ANKFN1: variants seen among roughly 807,000 people sequenced by gnomAD.
ANKFN1 encodes the protein ankyrin repeat and fibronectin type-III domain-containing protein 1.
In ANKFN1, 74 loss-of-function variants were observed where a neutral mutation model predicts 108.7. The ratio of observed to expected loss-of-function variants is 0.68; its 90% CI spans 0.56 to 0.83. ANKFN1 has a LOEUF of 0.83. Ranked by LOEUF, ANKFN1 falls within the 40% of genes least tolerant of loss-of-function variation. The pLI, the probability that ANKFN1 is intolerant of heterozygous loss-of-function variation, is 0.00. For missense variants in ANKFN1, 1,505 were observed against 1,382.3 expected (o/e 1.09, Z -1.41); for synonymous variants, 547 against 516.2 (o/e 1.06, Z -0.81).
intron 18 of ANKFN1, among the ~76,000 whole-genome samples, chr17:56,489,482 G>A (rs572005041): frequency 1.3e-5 from 2 of 151,292 alleles, no homozygotes; most frequent in South Asian, 4.2e-4. Flanking sequence ...ACAAGAGCGG[G>A]GAAACTGAAG....
chr17:56,154,478 C>G (rs780762088), intron 1 of ANKFN1, among the ~76,000 whole-genome samples: 7 of 151,964 alleles, frequency 4.6e-5, no homozygotes, highest in Non-Finnish European at 8.8e-5. Context: ...CTTTCCTTTT[C>G]TCTCTTTTCC....
chr17:56,292,265 A>T (rs1376797756), intron 3 of ANKFN1, among the ~76,000 whole-genome samples: 1 of 152,160 alleles, frequency 6.6e-6, no homozygotes, highest in Non-Finnish European at 1.5e-5. Context: ...GAGGTTAAGG[A>T]TCTAACAATT....
At chr17:56,084,652 C>T (rs1905286262) in intron 4 of ANKFN1, among the ~76,000 whole-genome samples, 1 of 151,376 alleles carries the variant, frequency 6.6e-6, no homozygotes, top group Non-Finnish European at 1.5e-5. Context: ...GGTGGGAAAA[C>T]AGAATGTGTT....
At chr17:56,251,015 C>A (rs565714077) in intron 3 of ANKFN1, among the ~76,000 whole-genome samples, 9 of 152,070 alleles carry the variant, frequency 5.9e-5, no homozygotes, top group South Asian at 4.2e-4. Flanking sequence ...GTCAGTATTT[C>A]TTTAACTGGT....
chr17:56,202,769 A>G (rs764493750), intron 1 of ANKFN1, among the ~76,000 whole-genome samples: 1 of 152,234 alleles, frequency 6.6e-6, no homozygotes, highest in African/African-American at 2.4e-5. Context: ...TGAAGTGTCC[A>G]TATATTAGAA....
chr17:56,208,650 A>G (rs1401379303), intron 1 of ANKFN1, among the ~76,000 whole-genome samples: 1 of 152,136 alleles, frequency 6.6e-6, no homozygotes, highest in East Asian at 1.9e-4. Flanking sequence ...CACTAGTGAA[A>G]TAATCCCTGA....
chr17:56,100,349 T>C (rs1017671696), intron 4 of ANKFN1, among the ~76,000 whole-genome samples: 3 of 152,276 alleles, frequency 2.0e-5, no homozygotes, highest in African/African-American at 7.2e-5. Context: ...CTGATGATTG[T>C]TGTAGGTGAT....
chr17:56,482,301 T>C, intron 17 of ANKFN1, 55 bp from the exon 18 acceptor site: 1 of 1,456,940 alleles, frequency 6.9e-7, no homozygotes, highest in East Asian at 2.4e-5. Flanking sequence ...GTGTTGTTTA[T>C]GTAAGTGCCA....
intron 4 of ANKFN1, among the ~76,000 whole-genome samples, chr17:56,050,153 C>A (rs947191785): frequency 3.3e-4 from 50 of 151,470 alleles, no homozygotes; most frequent in Non-Finnish European, 3.1e-4. Context: ...TGATGATGAG[C>A]ATTTTTTCAT....
At chr17:56,332,322 T>C (rs1376240166) in intron 4 of ANKFN1, among the ~76,000 whole-genome samples, 3 of 152,184 alleles carry the variant, frequency 2.0e-5, no homozygotes, top group African/African-American at 7.2e-5. Context: ...GAGGCTCCAC[T>C]CTGCACAGGC....
At position 56,401,934 on chromosome 17, in the gene ANKFN1, G is replaced by GC. The variant is rs564805507; in HGVS notation, c.910+27221dup. On this transcript the variant is annotated intron_variant, in intron 8 of 20. Transcript: ENST00000682825. Reference sequence around the variant, plus strand: ...CTGGATTTTGTTGAATGTTTTTTCTGCATCTATTAAGATTATCATGTGATT... The same window carrying GC: ...CTGGATTTTGTTGAATGTTTTTTCTGCCATCTATTAAGATTATCATGTGATT... 3.3e-5 allele frequency among the ~76,000 whole-genome samples: 5 copies of GC among 152,134 alleles called. No individual in the cohort carries two copies. In the East Asian group the frequency reaches 9.6e-4, roughly 29 times the overall value.
intron 20 of ANKFN1, among the ~76,000 whole-genome samples, chr17:56,501,447 T>G (rs1034285596): frequency 1.3e-5 from 2 of 152,050 alleles, no homozygotes; most frequent in African/African-American, 4.8e-5. Flanking sequence ...TTTTCTGGCT[T>G]GGGTGCCTCA....
At chr17:56,374,095 A>G (rs1256717402) in intron 7 of ANKFN1, among the ~76,000 whole-genome samples, 1 of 152,202 alleles carries the variant, frequency 6.6e-6, no homozygotes, top group African/African-American at 2.4e-5. Flanking sequence ...AACTGAAGCC[A>G]GGGGCTTTCA....
rs183724086 is a variant in ANKFN1 at position 56,449,820 on chromosome 17, G to A, written c.1207+634G>A. Among the ~76,000 whole-genome samples, 343 of 152,248 alleles carry A rather than the reference G, an allele frequency of 2.3e-3. 1 individual carries two copies. The highest frequency in any genetic ancestry group is 8.1e-3 in the African/African-American group (335 of 41,554). On this transcript the variant is annotated intron_variant, in intron 11 of 20. Coordinates refer to ENST00000682825, the MANE Select transcript of ANKFN1 (RefSeq NM_001370326.1). The stretch of plus-strand genomic sequence containing the variant: ...TCCCATTCCCTTACATCAGGACTGG[G>A]CACTGAACTGTAACCTCATCCTGAA...
chr17:56,168,610 C>T (rs1234120062), intron 1 of ANKFN1, among the ~76,000 whole-genome samples: 1 of 152,170 alleles, frequency 6.6e-6, no homozygotes, highest in Admixed American at 6.5e-5. Context: ...GGATAATTGT[C>T]ATATCTAGAA....
intron 2 of ANKFN1, chr17:56,224,492 C>T (rs920141245): frequency 6.6e-6 from 1 of 152,174 alleles, no homozygotes; most frequent in South Asian, 2.1e-4. Flanking sequence ...CCATAGGTTA[C>T]ATTATACAAT....
At chr17:56,347,409 T>C (rs2046133427) in intron 4 of ANKFN1, among the ~76,000 whole-genome samples, 1 of 152,092 alleles carries the variant, frequency 6.6e-6, no homozygotes. Flanking sequence ...GATAAGTGTC[T>C]TTTGATAATG....
intron 1 of ANKFN1, among the ~76,000 whole-genome samples, chr17:56,167,414 G>A (rs983097254): frequency 6.7e-6 from 1 of 148,598 alleles, no homozygotes; most frequent in African/African-American, 2.5e-5. Context: ...CAATAATAAG[G>A]GATAAAATAC....
chr17:56,174,237 A>G, intron 1 of ANKFN1: 1 of 985,520 alleles, frequency 1.0e-6, no homozygotes, highest in African/African-American at 1.7e-5. Flanking sequence ...GCAGCTCTTC[A>G]AAGACTTGTG....
Sources: gnomAD v4.1 joint callset for allele counts (sites outside exome capture counted in the v4.1 genomes callset) on GRCh38, gnomAD v4.1.1 for gene constraint, MANE v1.5 for transcripts, NCBI Gene and HGNC (gene_info 2026-07-23, HGNC 2026-07-21) for gene names.